Variants in HBD observed in about 807,000 individuals in gnomAD.
HBD encodes the protein delta globin.
HBD carries 11 observed loss-of-function variants against 9.2 expected under a neutral mutation model. The ratio of observed to expected loss-of-function variants is 1.20; its 90% CI spans 0.76 to 1.99. HBD has a LOEUF of 1.99. Among genes scored for constraint, HBD ranks in the 30% most tolerant of loss-of-function variants. The probability of loss-of-function intolerance (pLI) is 0.00; values close to 1 mark genes in which losing one functional copy is unlikely to be tolerated. For missense variants in HBD, 189 were observed against 174.3 expected, an observed-to-expected ratio of 1.08 and a Z score of -0.47; for synonymous variants, 83 against 69.4, an observed-to-expected ratio of 1.20 and a Z score of -0.98.
chr11:5,232,993 C>A lies in HBD; in HGVS notation c.415G>T (p.Ala139Ser), dbSNP rs570832829. ...TGGTACTTGTGAGCCAGGGCATTAGCCACACCAGCCACCACCTTCTGATAG... is the reference window on the plus strand; with the variant it reads ...TGGTACTTGTGAGCCAGGGCATTAGACACACCAGCCACCACCTTCTGATAG... ...AAYQKVVAGV[A>S]NALAHKYH is the part of the protein sequence containing the mutation. The change falls in exon 3 of 3, where the codon GCT becomes TCT. Residue 139 changes from alanine to serine, a missense_variant. By Grantham distance (99) the Ala-to-Ser change is moderately conservative (BLOSUM62 1). Transcript: ENST00000650601. 1 of 1,614,046 alleles carries A rather than the reference C, an allele frequency of 6.2e-7. No homozygotes were observed. The highest frequency in any genetic ancestry group is 2.2e-5 in the East Asian group (1 of 44,886).
At position 5,232,906 on chromosome 11, in the gene HBD, A is replaced by G; in HGVS notation, c.*58T>C. 6.2e-7 allele frequency: 1 copy of G among 1,613,564 alleles called. No individual in the cohort carries two copies. Among genetic ancestry groups the G allele is most frequent in the Non-Finnish European group, 8.5e-7 (1 of 1,179,484 alleles). The stretch of plus-strand genomic sequence containing the variant: ...GTAGGCATTGTGTTCCCAAGTTCAG[A>G]AAATAGAATCTAGGGAAATAGGGTC... On this transcript the variant is annotated 3_prime_UTR_variant, in exon 3 of 3. Transcript: ENST00000650601.
Position 5,232,929 on chromosome 11 carries a change from GTCT to G in HBD, c.*32_*34del. 6.2e-7 allele frequency: 1 copy of G among 1,613,676 alleles called. No individual in the cohort carries two copies. Among genetic ancestry groups the G allele is most frequent in the East Asian group, 2.2e-5 (1 of 44,878 alleles). On this transcript the variant is annotated 3_prime_UTR_variant, in exon 3 of 3. Coordinates refer to ENST00000650601, the MANE Select transcript of HBD (RefSeq NM_000519.4). ...AGAAAATAGAATCTAGGGAAATAGG[GTCT>G]TCTTATGGTTATCAGGAAACAGTCC...
intron 2 of HBD, 67 bp downstream of exon 2, chr11:5,233,924 A>T: frequency 1.6e-6 from 2 of 1,284,536 alleles, no homozygotes; most frequent in Non-Finnish European, 2.3e-6. Flanking sequence ...AAGAGCAGGT[A>T]GGTAAAAGAA....
At chr11:5,233,590 TTA>T (rs2133595737) in intron 2 of HBD, among the ~76,000 whole-genome samples, 1 of 152,272 alleles carries the variant, frequency 6.6e-6, no homozygotes, top group South Asian at 2.1e-4. Flanking sequence ...CAATTATTCC[TTA>T]TTGTAAAATG....
In HBD at chr11:5,234,409, TCTC is replaced by T. The variant is rs1486964767; in HGVS notation, c.22_24del (p.Glu8del). On this transcript the variant is annotated inframe_deletion, in exon 1 of 3. Transcript: ENST00000650601. ...CCCCACAGGGCATTGACAGCAGTCT[TCTC>T]CTCAGGAGTCAGATGCACCATGGTG... 1.2e-6 allele frequency: 2 copies of T among 1,613,626 alleles called. No homozygotes were observed. The highest frequency in any genetic ancestry group is 1.3e-5 in the African/African-American group (1 of 74,888).
In HBD at chr11:5,234,430, C is replaced by A; in HGVS notation, c.4G>T (p.Val2Leu). The change falls in exon 1 of 3, where the codon GTG becomes TTG. Residue 2 changes from valine to leucine, a missense_variant. Coordinates refer to ENST00000650601, the MANE Select transcript of HBD (RefSeq NM_000519.4). MVHLTPEEKTAV... is the reference protein window; with the variant it reads MLHLTPEEKTAV... ...GTCTTCTCCTCAGGAGTCAGATGCACCATGGTGTCTGTTTGAGGTTGCTAG... is the reference window on the plus strand; with the variant it reads ...GTCTTCTCCTCAGGAGTCAGATGCAACATGGTGTCTGTTTGAGGTTGCTAG... 3 of 1,611,084 alleles carry A rather than the reference C, an allele frequency of 1.9e-6. No individual in the cohort carries two copies. The highest frequency in any genetic ancestry group is 2.5e-6 in the Non-Finnish European group (3 of 1,177,206).
At position 5,234,026 on chromosome 11, in the gene HBD, A is replaced by C. The variant is rs28933077; in HGVS notation, c.280T>G (p.Cys94Gly). 6.2e-7 allele frequency: 1 copy of C among 1,614,128 alleles called. No individual in the cohort carries two copies. Among genetic ancestry groups the C allele is most frequent in the Non-Finnish European group, 8.5e-7 (1 of 1,180,010 alleles). ...TCAGGATCCACGTGCAGCTTGTCAC[A>C]GTGCAGCTCACTCAGCTGAGAAAAA... is the stretch of plus-strand genomic sequence containing the variant. ...GTFSQLSELH[C>G]DKLHVDPENF... The change falls in exon 2 of 3, where the codon TGT becomes GGT. Residue 94 changes from cysteine (C) to glycine (G), a missense_variant. Coordinates refer to ENST00000650601, the MANE Select transcript of HBD (RefSeq NM_000519.4).
At chr11:5,233,652 G>C (rs575365253) in intron 2 of HBD, among the ~76,000 whole-genome samples, 8 of 152,176 alleles carry the variant, frequency 5.3e-5, no homozygotes, top group African/African-American at 1.9e-4. Context: ...TTGAGTTGGA[G>C]CCTCTCCCAT....
intron 1 of HBD, 43 bp from the exon 2 acceptor site, chr11:5,234,256 T>C (rs1337937194): frequency 6.3e-7 from 1 of 1,599,072 alleles, no homozygotes; most frequent in African/African-American, 1.3e-5. Flanking sequence ...AGTCAGTGCC[T>C]ATCAGAAACC....
At chr11:5,233,668 T>C (rs1217795966) in intron 2 of HBD, among the ~76,000 whole-genome samples, 2 of 152,086 alleles carry the variant, frequency 1.3e-5, no homozygotes, top group Admixed American at 6.6e-5. Flanking sequence ...CCCATACCCA[T>C]GTGGAGAGAC....
At chr11:5,233,572 T>C (rs535900324) in intron 2 of HBD, among the ~76,000 whole-genome samples, 1 of 152,304 alleles carries the variant, frequency 6.6e-6, no homozygotes, top group South Asian at 2.1e-4. Flanking sequence ...ACAGAATTTA[T>C]AAAATTCCAA....
intron 1 of HBD, 37 bp downstream of exon 1, chr11:5,234,305 T>C: frequency 6.2e-7 from 1 of 1,602,856 alleles, no homozygotes. Context: ...AGTTTCCATT[T>C]GCCTCCTTGA....
chr11:5,233,822 A>C (rs1847700459), intron 2 of HBD, among the ~76,000 whole-genome samples, 169 bp downstream of exon 2: 1 of 152,200 alleles, frequency 6.6e-6, no homozygotes. Context: ...GATTGTGAGG[A>C]AGGAAAAAAT....
At chr11:5,233,190 A>C (rs1318271638) in intron 2 of HBD, 98 bp from the exon 3 acceptor site, 6 of 1,249,190 alleles carry the variant, frequency 4.8e-6, no homozygotes, top group Non-Finnish European at 6.9e-6. Context: ...TTTCTGCCCA[A>C]ATCTTAGACA....
chr11:5,233,119 T>G (rs1223999813), intron 2 of HBD, 27 bp from the exon 3 acceptor site: 3 of 1,613,216 alleles, frequency 1.9e-6, no homozygotes, highest in African/African-American at 2.7e-5. Flanking sequence ...GGCAGATACA[T>G]GCATATGGTT....
At position 5,232,978 on chromosome 11, in the gene HBD, G is replaced by A. The variant is rs281864573; in HGVS notation, c.430C>T (p.His144Tyr). ...VVAGVANALA[H>Y]KYH ...AGTCCAGGATCTCAATGGTACTTGT[G>A]AGCCAGGGCATTAGCCACACCAGCC... The change falls in exon 3 of 3, where the codon CAC becomes TAC. Residue 144 changes from histidine (H) to tyrosine (Y), a missense_variant. Transcript: ENST00000650601. 6.2e-7 allele frequency: 1 copy of A among 1,614,032 alleles called. No homozygotes were observed. Among genetic ancestry groups the A allele is most frequent in the Non-Finnish European group, 8.5e-7 (1 of 1,179,934 alleles).
In HBD at chr11:5,234,391, G is replaced by C; in HGVS notation, c.43C>G (p.Leu15Val). ...TPEEKTAVNALWGKVNVDAVG... is the reference protein window; with the variant it reads ...TPEEKTAVNAVWGKVNVDAVG... ...GCATCCACGTTCACTTTGCCCCACA[G>C]GGCATTGACAGCAGTCTTCTCCTCA... Residue 15 changes from leucine to valine, a missense_variant, in exon 1 of 3, where the codon CTG becomes GTG. Coordinates refer to ENST00000650601, the MANE Select transcript of HBD (RefSeq NM_000519.4). 1.9e-6 allele frequency: 3 copies of C among 1,614,020 alleles called. No individual in the cohort carries two copies. The highest frequency in any genetic ancestry group is 2.2e-5 in the South Asian group (2 of 91,076).
rs757119395 is a variant in HBD, at chr11:5,234,047, A to G, written c.259T>C (p.Ser87Pro). ...AHLDNLKGTF[S>P]QLSELHCDKL... ...TCACAGTGCAGCTCACTCAGCTGAG[A>G]AAAAGTGCCCTTGAGGTTGTCCAGG... The change falls in exon 2 of 3, where the codon TCT becomes CCT. Residue 87 changes from serine (S) to proline (P), a missense_variant. Physicochemically the swap from Ser to Pro is moderately conservative, Grantham distance 74 (BLOSUM62 -1). Coordinates refer to ENST00000650601, the MANE Select transcript of HBD (RefSeq NM_000519.4). The G allele has an allele frequency of 6.2e-7, 1 of 1,613,980 alleles. No individual in the cohort carries two copies.
chr11:5,232,994 C>T lies in HBD; in HGVS notation c.414G>A (p.Val138=). ...GGTACTTGTGAGCCAGGGCATTAGCCACACCAGCCACCACCTTCTGATAGG... is the reference window on the plus strand; with the variant it reads ...GGTACTTGTGAGCCAGGGCATTAGCTACACCAGCCACCACCTTCTGATAGG... ...QAAYQKVVAG[V]ANALAHKYH Residue 138 remains valine, a synonymous_variant, in exon 3 of 3, where the codon GTG becomes GTA. Coordinates refer to ENST00000650601, the MANE Select transcript of HBD (RefSeq NM_000519.4). 1 of 1,614,012 alleles carries T rather than the reference C, an allele frequency of 6.2e-7. No homozygotes were observed. Among genetic ancestry groups the T allele is most frequent in the Non-Finnish European group, 8.5e-7 (1 of 1,179,946 alleles).
Sources: allele counts gnomAD v4.1 joint callset (sites outside exome capture counted in the v4.1 genomes callset), GRCh38; gene constraint gnomAD v4.1.1; transcripts MANE v1.5; gene names NCBI Gene and HGNC (gene_info 2026-07-23, HGNC 2026-07-21).